SRPK2: variants seen among roughly 807,000 people sequenced by gnomAD.
The protein encoded by SRPK2 is SFRS protein kinase 2.
SRPK2 carries 21 observed loss-of-function variants against 90.8 expected under a neutral mutation model. The ratio of observed to expected loss-of-function variants is 0.23; its 90% CI spans 0.16 to 0.33. The LOEUF (loss-of-function observed/expected upper bound fraction) is 0.33. SRPK2 is among the 10% of genes least tolerant of loss of function. The probability of loss-of-function intolerance (pLI) is 1.00; values close to 1 mark genes in which losing one functional copy is unlikely to be tolerated. For missense variants in SRPK2, 620 were observed against 869.0 expected (o/e 0.71, Z 3.60); for synonymous variants, 288 against 311.1 (o/e 0.93, Z 0.78).
At chr7:105,279,202 G>A (rs1043971607) in intron 2 of SRPK2, among the ~76,000 whole-genome samples, 3 of 152,058 alleles carry the variant, frequency 2.0e-5, no homozygotes, top group African/African-American at 4.8e-5. Context: ...GCCAGAGGGC[G>A]GGCGGCGGGG....
intron 2 of SRPK2, among the ~76,000 whole-genome samples, chr7:105,252,537 A>T (rs1802615583): frequency 6.6e-6 from 1 of 152,210 alleles, no homozygotes; most frequent in African/African-American, 2.4e-5. Context: ...CATATTAGCC[A>T]CATTTAAAAT....
intron 2 of SRPK2, among the ~76,000 whole-genome samples, chr7:105,281,953 C>A (rs1807400317): frequency 6.6e-6 from 1 of 152,158 alleles, no homozygotes; most frequent in Admixed American, 6.5e-5. Context: ...CAGACACAAA[C>A]AAGCTGATCA....
Position 105,383,052 on chromosome 7 carries a change from AATTTTTTTTTT to A in SRPK2, c.71+5585_71+5595del, listed in dbSNP as rs1258499951. 3.2e-4 allele frequency among the ~76,000 whole-genome samples: 34 copies of A among 105,320 alleles called. 3 individuals are homozygous for A. The highest frequency in any genetic ancestry group is 6.1e-4 in the Admixed American group (5 of 8,156). 69.1% of individuals were successfully genotyped at this position (105,320 alleles called of 152,430 possible). ...AGTCTGAAATTATTTCAAAAGTAAA[AATTTTTTTTTT>A]TTTTTTTTTTTTTTTTTTGGAGACA... On this transcript the variant is annotated intron_variant, in intron 2 of 15. Coordinates refer to ENST00000393651, the MANE Select transcript of SRPK2 (RefSeq NM_182692.3).
At chr7:105,308,159 T>G (rs1380093414) in intron 2 of SRPK2, among the ~76,000 whole-genome samples, 1 of 152,214 alleles carries the variant, frequency 6.6e-6, no homozygotes, top group Non-Finnish European at 1.5e-5. Context: ...CAGTTTACAT[T>G]GTTTTCATGG....
intron 13 of SRPK2, among the ~76,000 whole-genome samples, chr7:105,129,110 C>T (rs1156638968): frequency 1.3e-5 from 2 of 152,040 alleles, no homozygotes; most frequent in Non-Finnish European, 2.9e-5. Flanking sequence ...TACAGGCGCC[C>T]GCCACCACGC....
chr7:105,397,060 C>T (rs1822351955), intron 1 of SRPK2, among the ~76,000 whole-genome samples: 1 of 152,020 alleles, frequency 6.6e-6, no homozygotes, highest in African/African-American at 2.4e-5. Flanking sequence ...TCTTGTTGCC[C>T]AGGCTGGAGT....
At chr7:105,386,576 G>C (rs1049189288) in intron 2 of SRPK2, among the ~76,000 whole-genome samples, 12 of 151,812 alleles carry the variant, frequency 7.9e-5, no homozygotes, top group African/African-American at 2.7e-4. Context: ...AAATAGCTAG[G>C]CTTGGTGGCG....
chr7:105,210,665 G>A (rs1285417722), intron 2 of SRPK2, among the ~76,000 whole-genome samples: 1 of 151,678 alleles, frequency 6.6e-6, no homozygotes, highest in African/African-American at 2.4e-5. Context: ...GTGAGTGTGA[G>A]ATATTACACC....
intron 2 of SRPK2, among the ~76,000 whole-genome samples, chr7:105,247,515 A>AAC (rs1286591696): frequency 4.3e-5 from 4 of 92,578 alleles, no homozygotes; most frequent in South Asian, 7.4e-4. Flanking sequence ...CATACCAAAA[A>AAC]ACACACACAC....
At chr7:105,143,745 G>T in intron 9 of SRPK2, 1 of 188,424 alleles carries the variant, frequency 5.3e-6, no homozygotes, top group Non-Finnish European at 1.1e-5. Context: ...GCAGGTGTAT[G>T]TCACTGTGTG....
chr7:105,281,157 C>T (rs184598191), intron 2 of SRPK2, among the ~76,000 whole-genome samples: 75 of 151,434 alleles, frequency 5.0e-4, no homozygotes, highest in African/African-American at 1.7e-3. Context: ...AGTATAGTAG[C>T]GCGATCTCAG....
intron 2 of SRPK2, among the ~76,000 whole-genome samples, chr7:105,232,458 T>TAAAAAAAA (rs10533429): frequency 3.0e-5 from 4 of 132,064 alleles, no homozygotes; most frequent in African/African-American, 8.5e-5. Flanking sequence ...AAACCTTATC[T>TAAAAAAAA]AAAAAAAAAA....
chr7:105,242,923 A>G (rs1032208812), intron 2 of SRPK2, among the ~76,000 whole-genome samples: 1 of 152,254 alleles, frequency 6.6e-6, no homozygotes, highest in Non-Finnish European at 1.5e-5. Context: ...TTTCAAATAT[A>G]AATCTACTTC....
intron 2 of SRPK2, among the ~76,000 whole-genome samples, chr7:105,204,193 C>T (rs1187839047): frequency 6.6e-6 from 1 of 152,190 alleles, no homozygotes; most frequent in African/African-American, 2.4e-5. Context: ...GCAAGCAGCA[C>T]TCAACTTTTG....
At chr7:105,138,318 G>GCA (rs1803193852) in intron 11 of SRPK2, among the ~76,000 whole-genome samples, 1 of 152,168 alleles carries the variant, frequency 6.6e-6, no homozygotes, top group Admixed American at 6.5e-5. Flanking sequence ...GTGACAATGA[G>GCA]CACTGCCCAT....
chr7:105,159,467 A>C (rs1280400191), intron 7 of SRPK2, among the ~76,000 whole-genome samples: 1 of 102,070 alleles, frequency 9.8e-6, no homozygotes, highest in African/African-American at 3.3e-5. Context: ...AAAAAAAAAA[A>C]AAAAAACCGT....
intron 2 of SRPK2, among the ~76,000 whole-genome samples, chr7:105,313,002 C>G (rs1453410389): frequency 6.6e-6 from 1 of 152,226 alleles, no homozygotes; most frequent in Admixed American, 6.5e-5. Flanking sequence ...TAAAATTACA[C>G]TATCACCATT....
At chr7:105,342,304 A>G (rs1486621055) in intron 2 of SRPK2, among the ~76,000 whole-genome samples, 1 of 151,498 alleles carries the variant, frequency 6.6e-6, no homozygotes, top group Admixed American at 6.6e-5. Flanking sequence ...AGCCTGGGCG[A>G]CAAGAGCAAA....
chr7:105,316,014 T>C (rs921974237), intron 2 of SRPK2, among the ~76,000 whole-genome samples: 1 of 133,790 alleles, frequency 7.5e-6, no homozygotes, highest in Non-Finnish European at 1.6e-5. Context: ...AAAAGACATC[T>C]TTAGGTAATT....
Sources: allele counts gnomAD v4.1 joint callset (sites outside exome capture counted in the v4.1 genomes callset), GRCh38; gene constraint gnomAD v4.1.1; transcripts MANE v1.5; gene names NCBI Gene and HGNC (gene_info 2026-07-23, HGNC 2026-07-21).